The following FANCM variants were observed in gnomAD, a reference collection of about 807,000 sequenced individuals.
The protein encoded by FANCM is Fanconi anemia group M protein.
Under a neutral mutation model 199.5 loss-of-function variants are expected in FANCM, and 140 were observed. The ratio of observed to expected loss-of-function variants is 0.70; its 90% confidence interval spans 0.61 to 0.81. The LOEUF (loss-of-function observed/expected upper bound fraction) is 0.81, where lower values mean the gene tolerates loss of function less well. FANCM is among the 30% of genes least tolerant of loss of function. The probability of loss-of-function intolerance (pLI) is 0.00; values close to 1 mark genes in which losing one functional copy is unlikely to be tolerated. For synonymous variants in FANCM, 840 were observed against 836.8 expected (o/e 1.00, Z -0.07); for missense variants, 2,410 against 2,421.4 (o/e 1.00, Z 0.10).
intron 11 of FANCM, 128 bp downstream of exon 11, chr14:45,167,291 C>G (rs1312070590): frequency 1.4e-6 from 1 of 694,236 alleles, no homozygotes; most frequent in Non-Finnish European, 2.6e-6. Flanking sequence ...TAGGCATTCT[C>G]TTTGGAAAGG....
rs879034036 is a variant in FANCM, at chr14:45,181,386, C to A, written c.4223-44C>A. On this transcript the variant is annotated intron_variant, in intron 14 of 22. Transcript: ENST00000267430. ...AAATAGATTGTTATGATTGGGTAAACCTAAATCTATTAACCATTCATTATT... is the reference window on the plus strand; with the variant it reads ...AAATAGATTGTTATGATTGGGTAAAACTAAATCTATTAACCATTCATTATT... 3 of 1,061,410 alleles carry A rather than the reference C, an allele frequency of 2.8e-6. No homozygotes were observed. In the South Asian group the frequency reaches 4.0e-5, roughly 14 times the overall value. The allele number at this position is 1,061,410 out of a possible 1,614,324, so 65.7% of individuals were successfully genotyped here. A position where few individuals can be genotyped will look rare whatever the true frequency, so the allele number is the denominator to read the frequency against.
At chr14:45,195,987 A>T (rs772565442) in intron 20 of FANCM, among the ~76,000 whole-genome samples, 185 bp from the exon 21 acceptor site, 1 of 151,926 alleles carries the variant, frequency 6.6e-6, no homozygotes, top group African/African-American at 2.4e-5. Flanking sequence ...TGTTAATTAT[A>T]GCTTTAGAAT....
rs1888286837 is a variant in FANCM at position 45,170,743 on chromosome 14, A to G, written c.2157A>G (p.Lys719=). ...QFSSLQNEEN[K]PAQESTTGIH... ...CTTCTTTACAAAATGAGGAAAACAA[A>G]CCAGTAAGTTGAATATATTTTCAGA... The change falls in exon 12 of 23, where the codon AAA becomes AAG. Residue 719 remains lysine, a synonymous_variant. Coordinates refer to ENST00000267430, the MANE Select transcript of FANCM (RefSeq NM_020937.4). The G allele has an allele frequency of 6.2e-7, 1 of 1,610,028 alleles. No individual in the cohort carries two copies. The highest frequency in any genetic ancestry group is 8.5e-7 in the Non-Finnish European group (1 of 1,176,896).
chr14:45,139,083 A>G (rs369659620), intron 2 of FANCM, among the ~76,000 whole-genome samples: 6 of 152,228 alleles, frequency 3.9e-5, no homozygotes, highest in South Asian at 4.1e-4. Flanking sequence ...CCAGTAAGCA[A>G]TCTTTTTGTC....
chr14:45,144,535 G>C (rs950137624), intron 3 of FANCM, among the ~76,000 whole-genome samples: 3 of 152,148 alleles, frequency 2.0e-5, no homozygotes, highest in Non-Finnish European at 4.4e-5. Context: ...TACTACTGCA[G>C]CTAAGCTTGC....
In FANCM at chr14:45,196,497, G is replaced by A. The variant is rs2139320648; in HGVS notation, c.5666G>A (p.Ser1889Asn). The A allele has an allele frequency of 6.2e-7, 1 of 1,614,074 alleles. No homozygotes were observed. Among genetic ancestry groups the A allele is most frequent in the East Asian group, 2.2e-5 (1 of 44,872 alleles). Residue 1889 changes from serine to asparagine, a missense_variant, in exon 21 of 23, where the codon AGT (serine) becomes AAT (asparagine). Coordinates refer to ENST00000267430, the MANE Select transcript of FANCM (RefSeq NM_020937.4). ...KFIEQIQHLQ[S>N]MFERICVIVE... ...ATTGAGCAGATCCAGCACCTGCAGA[G>A]TATGTTTGAAAGAATATGTGTGATT...
Position 45,148,958 on chromosome 14 carries a change from G to A in FANCM, c.881G>A (p.Gly294Asp), listed in dbSNP as rs1215175995. The change falls in exon 4 of 23, where the codon GGT becomes GAT. Residue 294 changes from glycine (G) to aspartate (D), a missense_variant. Coordinates refer to ENST00000267430, the MANE Select transcript of FANCM (RefSeq NM_020937.4). ...RKVEKLIVPL[G>D]EELAAIQKTY... Reference sequence around the variant, plus strand: ...GTTGAAAAGCTTATTGTTCCGCTTGGTGAAGAACTTGCAGCCATCCAAAAG... The same window carrying A: ...GTTGAAAAGCTTATTGTTCCGCTTGATGAAGAACTTGCAGCCATCCAAAAG... 1 of 1,613,782 alleles carries A rather than the reference G, an allele frequency of 6.2e-7. No individual in the cohort carries two copies. The highest frequency in any genetic ancestry group is 8.5e-7 in the Non-Finnish European group (1 of 1,179,850).
At chr14:45,156,483 A>G (rs1887196416) in intron 8 of FANCM, among the ~76,000 whole-genome samples, 3 of 152,194 alleles carry the variant, frequency 2.0e-5, no homozygotes, top group African/African-American at 4.8e-5. Flanking sequence ...AAGTATTACG[A>G]TAGTCTTGGA....
intron 20 of FANCM, among the ~76,000 whole-genome samples, chr14:45,194,873 G>A (rs983559639): frequency 4.7e-5 from 7 of 150,330 alleles, no homozygotes; most frequent in African/African-American, 9.8e-5. Flanking sequence ...GTGCAGTGGC[G>A]TGATCTCGGC....
In FANCM at chr14:45,185,328, C is replaced by T. The variant is rs139536545; in HGVS notation, c.4627C>T (p.Leu1543Phe). The T allele has an allele frequency of 1.5e-4, 245 of 1,592,726 alleles. No homozygotes were observed. Among genetic ancestry groups the T allele is most frequent in the Non-Finnish European group, 1.6e-4 (190 of 1,164,486 alleles). ...AGAAAATGAACAAGATTCCTCATTACTTGACTTTTTAAATGATGAAACTCA... is the reference window on the plus strand; with the variant it reads ...AGAAAATGAACAAGATTCCTCATTATTTGACTTTTTAAATGATGAAACTCA... ...ESENEQDSSL[L>F]DFLNDETQLS... Residue 1543 changes from leucine (L) to phenylalanine (F), a missense_variant, in exon 18 of 23, where the codon CTT (leucine) becomes TTT (phenylalanine). Coordinates refer to ENST00000267430, the MANE Select transcript of FANCM (RefSeq NM_020937.4).
chr14:45,177,122 AGAT>A (rs1182051681), intron 14 of FANCM, 146 bp downstream of exon 14: 6 of 611,272 alleles, frequency 9.8e-6, no homozygotes, highest in African/African-American at 7.4e-5. Context: ...ATTTTTCTTA[AGAT>A]GATCTTACTA....
intron 3 of FANCM, among the ~76,000 whole-genome samples, chr14:45,140,991 A>G (rs963685969): frequency 3.3e-5 from 5 of 152,140 alleles, no homozygotes; most frequent in Non-Finnish European, 5.9e-5. Flanking sequence ...GTTAGCTATG[A>G]TTGCCACTGT....
intron 9 of FANCM, among the ~76,000 whole-genome samples, chr14:45,162,482 G>A (rs1887674266): frequency 6.6e-6 from 1 of 152,042 alleles, no homozygotes; most frequent in African/African-American, 2.4e-5. Context: ...ATAAAGTTCT[G>A]GTCCAATTTT....
intron 20 of FANCM, among the ~76,000 whole-genome samples, chr14:45,194,818 T>A (rs1271104778): frequency 1.3e-5 from 2 of 151,946 alleles, no homozygotes; most frequent in Non-Finnish European, 2.9e-5. Context: ...GTGCCTTTTT[T>A]TTTTTTTTTT....
At chr14:45,147,673 C>A (rs1282363125) in intron 3 of FANCM, among the ~76,000 whole-genome samples, 1 of 151,856 alleles carries the variant, frequency 6.6e-6, no homozygotes, top group Non-Finnish European at 1.5e-5. Context: ...GTGGGCGGAT[C>A]ACAGAAGTCA....
At chr14:45,193,097 C>G (rs1032587659) in intron 20 of FANCM, among the ~76,000 whole-genome samples, 7 of 152,152 alleles carry the variant, frequency 4.6e-5, no homozygotes, top group African/African-American at 1.7e-4. Flanking sequence ...TCCCTGTTTC[C>G]CCTATGGAAC....
chr14:45,178,914 A>G (rs1470306295), intron 14 of FANCM, among the ~76,000 whole-genome samples: 1 of 152,156 alleles, frequency 6.6e-6, no homozygotes, highest in Non-Finnish European at 1.5e-5. Context: ...AAAAACCTTA[A>G]TGGGCCTGGC....
At chr14:45,143,799 T>C (rs1886156688) in intron 3 of FANCM, among the ~76,000 whole-genome samples, 1 of 150,338 alleles carries the variant, frequency 6.7e-6, no homozygotes, top group African/African-American at 2.5e-5. Flanking sequence ...GTTCAAGCCA[T>C]TCTCCTGCCT....
chr14:45,170,652 A>G lies in FANCM; in HGVS notation c.2066A>G (p.Asn689Ser), dbSNP rs1317308859. Reference protein sequence around the residue: ...FLSEEEFKLWNRLYRLRDSDE... With the variant: ...FLSEEEFKLWSRLYRLRDSDE... ...TCAGAAGAAGAATTTAAATTATGGA[A>G]CAGACTTTATAGATTAAGGGACAGT... Residue 689 changes from asparagine (N) to serine (S), a missense_variant, in exon 12 of 23, where the codon AAC becomes AGC. Physicochemically the swap from Asn to Ser is conservative, Grantham distance 46. Coordinates refer to ENST00000267430, the MANE Select transcript of FANCM (RefSeq NM_020937.4). 5.0e-6 allele frequency: 8 copies of G among 1,603,308 alleles called. No individual in the cohort carries two copies.
Sources: gnomAD v4.1 joint callset for allele counts (sites outside exome capture counted in the v4.1 genomes callset) on GRCh38, gnomAD v4.1.1 for gene constraint, MANE v1.5 for transcripts, NCBI Gene and HGNC (gene_info 2026-07-23, HGNC 2026-07-21) for gene names.